The following CECR2 variants were observed in gnomAD, a reference collection of about 807,000 sequenced individuals.
The protein encoded by CECR2 is chromatin remodeling regulator CECR2.
CECR2 carries 30 observed loss-of-function variants against 154.5 expected under a neutral mutation model. The ratio of observed to expected loss-of-function variants is 0.19; its 90% confidence interval spans 0.15 to 0.26. The LOEUF is 0.26. Ranked by LOEUF, CECR2 falls within the 10% of genes least tolerant of loss-of-function variation. CECR2 has a pLI of 1.00. For missense variants in CECR2, 1,743 were observed against 1,829.3 expected (o/e 0.95, Z 0.86); for synonymous variants, 725 against 683.7 (o/e 1.06, Z -0.94).
At chr22:17,370,564 T>G (rs1338278523) in intron 1 of CECR2, among the ~76,000 whole-genome samples, 2 of 152,088 alleles carry the variant, frequency 1.3e-5, no homozygotes, top group Admixed American at 6.5e-5. Flanking sequence ...TCCCGTAATA[T>G]CCAGCCTCTT....
At chr22:17,517,321 C>A (rs923331657) in intron 8 of CECR2, among the ~76,000 whole-genome samples, 1 of 152,214 alleles carries the variant, frequency 6.6e-6, no homozygotes, top group Middle Eastern at 3.2e-3. Context: ...TTTCCTGAGG[C>A]CTCCCAGTCA....
intron 1 of CECR2, among the ~76,000 whole-genome samples, chr22:17,450,822 C>T (rs970207880): frequency 1.3e-5 from 2 of 152,218 alleles, no homozygotes; most frequent in Admixed American, 1.3e-4. Context: ...TTTTCTTTCA[C>T]CTTGCTCCTT....
chr22:17,378,708 T>C (rs2063150008), intron 1 of CECR2, among the ~76,000 whole-genome samples: 1 of 152,218 alleles, frequency 6.6e-6, no homozygotes. Context: ...GGTGAAATTG[T>C]CCTGCTTTTG....
chr22:17,422,267 G>A (rs1289341606), intron 1 of CECR2, among the ~76,000 whole-genome samples: 2 of 151,994 alleles, frequency 1.3e-5, no homozygotes, highest in African/African-American at 4.8e-5. Context: ...GCGCGATCTC[G>A]GCTCACTGCA....
chr22:17,430,467 T>G (rs1180382800), intron 1 of CECR2, among the ~76,000 whole-genome samples: 1 of 152,130 alleles, frequency 6.6e-6, no homozygotes, highest in Non-Finnish European at 1.5e-5. Context: ...GCCCTTGTAG[T>G]TCATCACACT....
intron 9 of CECR2, among the ~76,000 whole-genome samples, chr22:17,535,554 G>A (rs1003146934): frequency 6.6e-6 from 1 of 151,806 alleles, no homozygotes; most frequent in Non-Finnish European, 1.5e-5. Flanking sequence ...GTTAAGCTGT[G>A]GAATAATCAT....
chr22:17,552,450 C>G (rs1393436701), intron 18 of CECR2, among the ~76,000 whole-genome samples: 1 of 152,148 alleles, frequency 6.6e-6, no homozygotes, highest in Non-Finnish European at 1.5e-5. Flanking sequence ...TGCTTCCCAC[C>G]TTTCTCATTG....
At chr22:17,535,015 G>A (rs1054901994) in intron 9 of CECR2, among the ~76,000 whole-genome samples, 2 of 151,944 alleles carry the variant, frequency 1.3e-5, no homozygotes, top group Non-Finnish European at 2.9e-5. Context: ...GCCAGGCGTG[G>A]TGGCGGGTGC....
intron 1 of CECR2, among the ~76,000 whole-genome samples, chr22:17,416,793 C>T (rs753927721): frequency 5.9e-5 from 9 of 152,160 alleles, no homozygotes; most frequent in Non-Finnish European, 1.3e-4. Flanking sequence ...CGACCCACCA[C>T]GCCTGGCATT....
At chr22:17,550,783 A>C (rs1406450882) in intron 17 of CECR2, among the ~76,000 whole-genome samples, 2 of 152,202 alleles carry the variant, frequency 1.3e-5, no homozygotes, top group African/African-American at 2.4e-5. Context: ...TCTACTAAAA[A>C]TACAAAAAAT....
rs1354364989 is a variant in CECR2 at position 17,497,541 on chromosome 22, C to G, written c.360C>G (p.Leu120=). Residue 120 remains leucine (L), a synonymous_variant, in exon 3 of 19, where the codon CTC becomes CTG. Transcript: ENST00000262608. ...CACGGGTGGAGATCCTGCACCGACTCTGTGATTACCGGCTGGATGCAGACG... is the reference window on the plus strand; with the variant it reads ...CACGGGTGGAGATCCTGCACCGACTGTGTGATTACCGGCTGGATGCAGACG... ...LRTRVEILHR[L]CDYRLDADDV... is the part of the protein sequence containing the mutation. The G allele has an allele frequency of 6.2e-7, 1 of 1,613,962 alleles. No individual in the cohort carries two copies. Among genetic ancestry groups the G allele is most frequent in the Non-Finnish European group, 8.5e-7 (1 of 1,179,884 alleles).
rs373340816 is a variant in CECR2, at chr22:17,552,020, C to T, written c.4278-11C>T. ...CATTAATTCTTCATTGCTTCTTTCT[C>T]GTGGCTGTAGAATGCAGATGCACCC... On this transcript the variant is annotated splice_polypyrimidine_tract_variant and intron_variant, in intron 17 of 18. Transcript: ENST00000262608. 5.9e-5 allele frequency: 95 copies of T among 1,611,924 alleles called. No individual in the cohort carries two copies. The highest frequency in any genetic ancestry group is 1.3e-4 in the African/African-American group (10 of 74,862).
chr22:17,538,550 G>A lies in CECR2; in HGVS notation c.1269G>A (p.Met423Ile), dbSNP rs1407056543. 3.7e-6 allele frequency: 6 copies of A among 1,613,734 alleles called. No individual in the cohort carries two copies. The Admixed American group carries it at 6.7e-5, about 18-fold the overall frequency. ...LFELDDDFTA[M>I]YKVLDVVKAH... ...AGTTGGATGATGATTTCACTGCTATGTATAAAGGTTAGTTCCCATTCTCCA... is the reference window on the plus strand; with the variant it reads ...AGTTGGATGATGATTTCACTGCTATATATAAAGGTTAGTTCCCATTCTCCA... Residue 423 changes from methionine (M) to isoleucine (I), a missense_variant, in exon 11 of 19, where the codon ATG becomes ATA. Coordinates refer to ENST00000262608, the MANE Select transcript of CECR2 (RefSeq NM_001290047.2).
chr22:17,535,897 G>A (rs2056430404), intron 9 of CECR2, among the ~76,000 whole-genome samples: 2 of 152,184 alleles, frequency 1.3e-5, no homozygotes, highest in Admixed American at 6.5e-5. Context: ...CTTGCTCACA[G>A]CAGTAGTCAG....
At chr22:17,441,041 C>G (rs988055711) in intron 1 of CECR2, among the ~76,000 whole-genome samples, 1 of 152,020 alleles carries the variant, frequency 6.6e-6, no homozygotes, top group African/African-American at 2.4e-5. Flanking sequence ...TACCACAACC[C>G]GGGTTCAAGT....
chr22:17,380,308 C>G (rs5747084), intron 1 of CECR2, among the ~76,000 whole-genome samples: 18,508 of 152,172 alleles, frequency 0.12, 1,798 homozygotes, highest in African/African-American at 0.26. Context: ...TAGCCATACA[C>G]TCATTTAAAC....
At position 17,548,378 on chromosome 22, in the gene CECR2, T is replaced by C; in HGVS notation, c.3091T>C (p.Tyr1031His). The C allele has an allele frequency of 6.2e-7, 1 of 1,613,438 alleles. No homozygotes were observed. Among genetic ancestry groups the C allele is most frequent in the South Asian group, 1.1e-5 (1 of 90,974 alleles). ...GKNPWPSDSS[Y>H]PGPAAQGCVR... is the part of the protein sequence containing the mutation. ...GAATCCCTGGCCCTCGGATAGCAGC[T>C]ACCCCGGCCCAGCCGCCCAAGGGTG... The change falls in exon 17 of 19, where the codon TAC becomes CAC. Residue 1031 changes from tyrosine to histidine, a missense_variant. Coordinates refer to ENST00000262608, the MANE Select transcript of CECR2 (RefSeq NM_001290047.2).
At chr22:17,364,409 G>T (rs1569032930) in intron 1 of CECR2, among the ~76,000 whole-genome samples, 5 of 150,742 alleles carry the variant, frequency 3.3e-5, no homozygotes, top group Admixed American at 3.3e-4. Context: ...TGACTAAAGT[G>T]CTAACATAAT....
intron 16 of CECR2, among the ~76,000 whole-genome samples, chr22:17,545,813 A>T (rs2147046643): frequency 6.6e-6 from 1 of 150,636 alleles, no homozygotes; most frequent in South Asian, 2.1e-4. Context: ...ACTGCACTCC[A>T]GCCTGGGCAA....
Sources: allele counts gnomAD v4.1 joint callset (sites outside exome capture counted in the v4.1 genomes callset), GRCh38; gene constraint gnomAD v4.1.1; transcripts MANE v1.5; gene names NCBI Gene and HGNC (gene_info 2026-07-23, HGNC 2026-07-21).